STRBP: variants seen among roughly 807,000 people sequenced by gnomAD.
STRBP encodes spermatid perinuclear RNA-binding protein.
A neutral mutation model predicts 80.1 loss-of-function variants in STRBP; 13 were observed. That is an observed-to-expected ratio of 0.16 (90% confidence interval 0.11 to 0.26). STRBP has a LOEUF of 0.26. Ranked by LOEUF, STRBP falls within the 10% of genes least tolerant of loss-of-function variation. The pLI, the probability that STRBP is intolerant of heterozygous loss-of-function variation, is 1.00. For synonymous variants in STRBP, 284 were observed against 291.2 expected (o/e 0.98, Z 0.25); for missense variants, 485 against 815.2 (o/e 0.59, Z 4.93).
intron 1 of STRBP, among the ~76,000 whole-genome samples, chr9:123,238,509 G>T (rs2040619150): frequency 6.6e-6 from 1 of 152,198 alleles, no homozygotes. Context: ...ATGACCTAGG[G>T]TTTAGCTACT....
intron 4 of STRBP, among the ~76,000 whole-genome samples, chr9:123,176,000 C>A (rs2038202717): frequency 6.6e-6 from 1 of 152,198 alleles, no homozygotes. Flanking sequence ...TGACATTGGA[C>A]AAATTTCAAA....
chr9:123,130,992 G>T (rs1211352921), intron 17 of STRBP, among the ~76,000 whole-genome samples: 4 of 151,944 alleles, frequency 2.6e-5, no homozygotes, highest in African/African-American at 4.8e-5. Context: ...CATAATAGAT[G>T]TACATAGTTC....
rs868404894 is a variant in STRBP, at chr9:123,115,253, C to T, written c.*84+676G>A. On this transcript the variant is annotated intron_variant and NMD_transcript_variant, in intron 3 of 3. Transcript: ENST00000471564. The surrounding 1 kb of genome is among the most constrained non-coding windows in gnomAD (Gnocchi z 5.0). Reference sequence around the variant, plus strand: ...CCTCTGACTCCCCTCCTGGGGATCCCGTCTGGCTCAGTGGGAAGCCTATCG... The same window carrying T: ...CCTCTGACTCCCCTCCTGGGGATCCTGTCTGGCTCAGTGGGAAGCCTATCG... 30 of 471,212 alleles carry T rather than the reference C, an allele frequency of 6.4e-5. 1 individual carries two copies. The Middle Eastern group carries it at 7.8e-3, about 122-fold the overall frequency. The allele number at this position is 471,212 out of a possible 1,614,324, so 29.2% of individuals were successfully genotyped here.
chr9:123,123,460 G>A lies in STRBP; in HGVS notation c.*2137C>T, dbSNP rs1201317930. The A allele has an allele frequency of 2.0e-6, 2 of 983,838 alleles. No individual in the cohort carries two copies. The highest frequency in any genetic ancestry group is 1.2e-6 in the Non-Finnish European group (1 of 829,774). The allele number at this position is 983,838 out of a possible 1,614,324, so 60.9% of individuals were successfully genotyped here. A position where few individuals can be genotyped will look rare whatever the true frequency, so the allele number is the denominator to read the frequency against. ...CAGCTCGATTATTTTAAGTAAAGCAGAGAAATGTAAAAGTTTGCAGCAACT... is the reference window on the plus strand; with the variant it reads ...CAGCTCGATTATTTTAAGTAAAGCAAAGAAATGTAAAAGTTTGCAGCAACT... On this transcript the variant is annotated 3_prime_UTR_variant, in exon 19 of 19. Transcript: ENST00000348403.
chr9:123,148,003 G>A (rs892231998), intron 11 of STRBP, 133 bp from the exon 12 acceptor site: 17 of 692,602 alleles, frequency 2.5e-5, no homozygotes, highest in African/African-American at 2.3e-4. Context: ...TCACTGATCA[G>A]TTAAATTACC....
chr9:123,190,179 C>T (rs1276332334), intron 2 of STRBP, among the ~76,000 whole-genome samples: 5 of 151,806 alleles, frequency 3.3e-5, no homozygotes. Flanking sequence ...ACTCGGGAGA[C>T]TGAGGCAGAA....
At chr9:123,133,545 G>T (rs74357610) in intron 16 of STRBP, among the ~76,000 whole-genome samples, 65 of 146,716 alleles carry the variant, frequency 4.4e-4, no homozygotes, top group African/African-American at 1.4e-3. Flanking sequence ...TCTTTTTTTG[G>T]TTTTTTTTTT....
chr9:123,130,561 A>G (rs2036093614), intron 17 of STRBP, among the ~76,000 whole-genome samples: 3 of 152,214 alleles, frequency 2.0e-5, no homozygotes, highest in Admixed American at 2.0e-4. Context: ...AAGCCCCAAT[A>G]GAACACATCA....
At chr9:123,247,591 T>G (rs559634640) in intron 1 of STRBP, among the ~76,000 whole-genome samples, 1 of 152,284 alleles carries the variant, frequency 6.6e-6, no homozygotes, top group African/African-American at 2.4e-5. Context: ...TTTTAACTAG[T>G]AAGCACCCTA....
intron 14 of STRBP, among the ~76,000 whole-genome samples, chr9:123,137,456 C>A (rs1015109258): frequency 7.2e-5 from 11 of 152,178 alleles, no homozygotes; most frequent in African/African-American, 2.7e-4. Flanking sequence ...GTGGCCCAGG[C>A]TGGAGTGCAG....
chr9:123,163,390 C>A (rs979707591), intron 6 of STRBP, among the ~76,000 whole-genome samples: 3 of 152,182 alleles, frequency 2.0e-5, no homozygotes, highest in Non-Finnish European at 2.9e-5. Context: ...TGGCTTGCTA[C>A]AGACAGTCAA....
chr9:123,115,849 A>G lies in STRBP; in HGVS notation c.*84+80T>C. 1 of 360,340 alleles carries G rather than the reference A, an allele frequency of 2.8e-6. No homozygotes were observed. Among genetic ancestry groups the G allele is most frequent in the South Asian group, 2.1e-5 (1 of 46,782 alleles). 22.3% of individuals were successfully genotyped at this position (360,340 alleles called of 1,614,324 possible). On this transcript the variant is annotated intron_variant and NMD_transcript_variant, in intron 3 of 3. Coordinates refer to the STRBP transcript ENST00000471564. The surrounding 1 kb of genome is among the most constrained non-coding windows in gnomAD (Gnocchi z 5.0). ...TCGCGGGAGGTGTATTTTAGCTCAAATTGCCCCACTGGCTTCCCATAATTG... is the reference window on the plus strand; with the variant it reads ...TCGCGGGAGGTGTATTTTAGCTCAAGTTGCCCCACTGGCTTCCCATAATTG...
chr9:123,157,295 T>C (rs895984121), intron 11 of STRBP, among the ~76,000 whole-genome samples: 30 of 152,324 alleles, frequency 2.0e-4, no homozygotes, highest in African/African-American at 6.7e-4. Context: ...ATAATCAAAC[T>C]GATTAGTGAT....
intron 1 of STRBP, among the ~76,000 whole-genome samples, chr9:123,259,075 A>ACGG (rs2041103837): frequency 3.5e-5 from 5 of 141,896 alleles, no homozygotes; most frequent in South Asian, 2.4e-4. Flanking sequence ...AAAAAAAAAA[A>ACGG]GGGGGGGGGA....
chr9:123,157,070 G>A (rs1404941734), intron 11 of STRBP, among the ~76,000 whole-genome samples: 2 of 152,126 alleles, frequency 1.3e-5, no homozygotes, highest in Non-Finnish European at 2.9e-5. Context: ...TGAGAGAGAT[G>A]AGCTAACTGC....
At chr9:123,175,432 T>C (rs765737538) in intron 4 of STRBP, among the ~76,000 whole-genome samples, 1 of 152,088 alleles carries the variant, frequency 6.6e-6, no homozygotes, top group African/African-American at 2.4e-5. Flanking sequence ...GAGAAACAAA[T>C]TGTGGCAGTG....
intron 2 of STRBP, among the ~76,000 whole-genome samples, chr9:123,220,992 AG>A (rs1345095499): frequency 2.6e-5 from 4 of 152,206 alleles, no homozygotes; most frequent in Admixed American, 2.6e-4. Flanking sequence ...ACAATAAAAT[AG>A]AGACGTTTGT....
chr9:123,125,737 T>TA (rs1366168479), intron 18 of STRBP, 64 bp from the exon 19 acceptor site: 32 of 1,305,776 alleles, frequency 2.5e-5, no homozygotes, highest in South Asian at 9.0e-5. Flanking sequence ...AAATTTCAGG[T>TA]AAAAAAATAT....
intron 2 of STRBP, among the ~76,000 whole-genome samples, chr9:123,229,887 T>C (rs1275947923): frequency 6.6e-6 from 1 of 152,164 alleles, no homozygotes; most frequent in Non-Finnish European, 1.5e-5. Flanking sequence ...AGGTTCAAGG[T>C]TATGAATTTT....
Sources: gnomAD v4.1 joint callset for allele counts (sites outside exome capture counted in the v4.1 genomes callset) on GRCh38, gnomAD v4.1.1 for gene constraint, Gnocchi (gnomAD v3.1) non-coding constraint, MANE v1.5 for transcripts, NCBI Gene and HGNC (gene_info 2026-07-23, HGNC 2026-07-21) for gene names.